ASMTL: variants seen among roughly 807,000 people sequenced by gnomAD.
ASMTL encodes probable bifunctional dTTP/UTP pyrophosphatase/methyltransferase protein.
Under a neutral mutation model 60.3 loss-of-function variants are expected in ASMTL, and 57 were observed. The ratio of observed to expected loss-of-function variants is 0.95; its 90% confidence interval spans 0.76 to 1.18. The LOEUF is 1.18. Among genes scored for constraint, ASMTL ranks in the 50% most tolerant of loss-of-function variants. ASMTL has a pLI of 0.00. For missense variants in ASMTL, 981 were observed against 852.6 expected (o/e 1.15, Z -1.88); for synonymous variants, 419 against 373.0 (o/e 1.12, Z -1.42).
intron 5 of ASMTL, 96 bp downstream of exon 5, chrX:1,434,926 A>G: frequency 2.2e-6 from 3 of 1,369,746 alleles, no homozygotes; most frequent in Non-Finnish European, 3.1e-6. Flanking sequence ...GGTGGGGGTG[A>G]GCAACCGTCC....
intron 8 of ASMTL, among the ~76,000 whole-genome samples, chrX:1,425,165 A>G (rs1304525569): frequency 6.6e-6 from 1 of 152,054 alleles, no homozygotes; most frequent in Non-Finnish European, 1.5e-5. Flanking sequence ...TCATCTATCT[A>G]TGTATCTGTC....
intron 5 of ASMTL, among the ~76,000 whole-genome samples, chrX:1,433,611 C>T (rs1258717787): frequency 4.0e-5 from 6 of 150,706 alleles, no homozygotes; most frequent in Admixed American, 6.6e-5. Context: ...ACCCGGGAGG[C>T]GGAGCTTGCA....
chrX:1,410,752 GCAT>G (rs2089981278), intron 12 of ASMTL, among the ~76,000 whole-genome samples: 1 of 3,584 alleles, frequency 2.8e-4, no homozygotes, highest in African/African-American at 6.2e-4. Flanking sequence ...GCATGGTGAT[GCAT>G]GATGCATGCC....
At chrX:1,433,721 G>A (rs2090880643) in intron 5 of ASMTL, among the ~76,000 whole-genome samples, 1 of 151,916 alleles carries the variant, frequency 6.6e-6, no homozygotes, top group African/African-American at 2.4e-5. Context: ...CAGGGTTCAG[G>A]GAGCTTCTGG....
rs750880241 is a variant in ASMTL, at chrX:1,421,703, G to A, written c.1200C>T (p.Asn400=). 6.2e-7 allele frequency: 1 copy of A among 1,613,950 alleles called. No homozygotes were observed. The highest frequency in any genetic ancestry group is 8.5e-7 in the Non-Finnish European group (1 of 1,179,850). ...YLEFAIREGT[N]QHHRALGKKA... ...TCTTCCCCAACGCCCTGTGGTGCTG[G>A]TTTGTTCCCTCTCGGATGGCAAACT... Residue 400 remains asparagine (N), a synonymous_variant, in exon 9 of 13, where the codon AAC becomes AAT. Coordinates refer to ENST00000381317, the MANE Select transcript of ASMTL (RefSeq NM_004192.4).
chrX:1,432,954 C>T (rs1252199837), intron 5 of ASMTL, among the ~76,000 whole-genome samples: 15 of 152,244 alleles, frequency 9.9e-5, no homozygotes, highest in Admixed American at 1.3e-4. Context: ...AAAAATTAGC[C>T]GGGCGTGGTG....
rs112009294 is a variant in ASMTL, at chrX:1,427,598, G to A, written c.897+136C>T. On this transcript the variant is annotated intron_variant, in intron 7 of 12. Transcript: ENST00000381317. Reference sequence around the variant, plus strand: ...GGAAGGACCCTCTCCTAGAACCTTCGGAGAAAGCATGGCCCTGAGACAACC... The same window carrying A: ...GGAAGGACCCTCTCCTAGAACCTTCAGAGAAAGCATGGCCCTGAGACAACC... The A allele has an allele frequency of 1.9e-3, 1,737 of 934,422 alleles. 25 individuals are homozygous for A. In the African/African-American group the frequency reaches 0.023, roughly 12 times the overall value. The allele number at this position is 934,422 out of a possible 1,614,324, so 57.9% of individuals were successfully genotyped here. A position where few individuals can be genotyped will look rare whatever the true frequency, so the allele number is the denominator to read the frequency against.
At chrX:1,416,417 A>G (rs1417694126) in intron 11 of ASMTL, among the ~76,000 whole-genome samples, 2 of 24,648 alleles carry the variant, frequency 8.1e-5, no homozygotes, top group African/African-American at 1.7e-4. Context: ...AGATACACCA[A>G]CAGACAGGCA....
intron 6 of ASMTL, among the ~76,000 whole-genome samples, chrX:1,429,633 A>G (rs1349507433): frequency 6.6e-6 from 1 of 151,972 alleles, no homozygotes; most frequent in Non-Finnish European, 1.5e-5. Flanking sequence ...CCCCTTCTCT[A>G]CTAAAAATAA....
chrX:1,446,965 A>G (rs2091242483), intron 1 of ASMTL, among the ~76,000 whole-genome samples: 1 of 152,228 alleles, frequency 6.6e-6, no homozygotes, highest in Non-Finnish European at 1.5e-5. Flanking sequence ...ACATGTCTCC[A>G]AGATAATGTT....
At position 1,429,833 on chromosome X, in the gene ASMTL, A is replaced by T. The variant is rs1371814162; in HGVS notation, c.510-1712T>A. On this transcript the variant is annotated intron_variant, in intron 6 of 12. Coordinates refer to ENST00000381317, the MANE Select transcript of ASMTL (RefSeq NM_004192.4). ...CATGTGTTAAATGGGATGTTTTGATATATGTATACATGTGACATCATTAAA... is the reference window on the plus strand; with the variant it reads ...CATGTGTTAAATGGGATGTTTTGATTTATGTATACATGTGACATCATTAAA... Among the ~76,000 whole-genome samples, 3 of 151,766 alleles carry T rather than the reference A, an allele frequency of 2.0e-5. No homozygotes were observed. The East Asian group carries it at 5.8e-4, about 29-fold the overall frequency.
chrX:1,438,418 T>C (rs1461877804), intron 3 of ASMTL, among the ~76,000 whole-genome samples: 3 of 152,230 alleles, frequency 2.0e-5, no homozygotes, highest in African/African-American at 4.8e-5. Context: ...CTCTAGGAGC[T>C]GGAGAAAGAC....
chrX:1,408,059 G>A (rs2089932714), intron 12 of ASMTL, among the ~76,000 whole-genome samples: 1 of 151,740 alleles, frequency 6.6e-6, no homozygotes, highest in Non-Finnish European at 1.5e-5. Context: ...ACCCTAACAG[G>A]GCATGATAAC....
intron 1 of ASMTL, among the ~76,000 whole-genome samples, chrX:1,447,825 G>A (rs2091261945): frequency 6.8e-6 from 1 of 146,276 alleles, no homozygotes; most frequent in Non-Finnish European, 1.5e-5. Context: ...AGCTATCTTG[G>A]ATAAGCACTA....
chrX:1,403,232 G>T lies in ASMTL; in HGVS notation c.*37C>A. Reference sequence around the variant, plus strand: ...ACCGGGCGGTCCACCTGCAGCCTGGGGGAGGACATCCCTATAATGAACATG... The same window carrying T: ...ACCGGGCGGTCCACCTGCAGCCTGGTGGAGGACATCCCTATAATGAACATG... On this transcript the variant is annotated 3_prime_UTR_variant, in exon 13 of 13. Transcript: ENST00000381317. The T allele has an allele frequency of 1.3e-6, 2 of 1,579,734 alleles. No individual in the cohort carries two copies. Among genetic ancestry groups the T allele is most frequent in the South Asian group, 1.1e-5 (1 of 90,150 alleles).
intron 5 of ASMTL, 58 bp from the exon 6 acceptor site, chrX:1,432,435 T>C (rs1167351471): frequency 1.5e-6 from 2 of 1,353,048 alleles, no homozygotes; most frequent in African/African-American, 2.9e-5. Flanking sequence ...CTCCGTGCCC[T>C]GACAGCTGCG....
chrX:1,414,665 G>A (rs111526990), intron 11 of ASMTL, among the ~76,000 whole-genome samples: 4,667 of 152,152 alleles, frequency 0.031, 273 homozygotes, highest in African/African-American at 0.1. Flanking sequence ...CTAAGATCAC[G>A]CCACTGCACT....
In ASMTL at chrX:1,418,056, A is replaced by G. The variant is rs768934149; in HGVS notation, c.1439T>C (p.Val480Ala). 1.4e-5 allele frequency: 22 copies of G among 1,613,458 alleles called. No homozygotes were observed. The East Asian group carries it at 4.7e-4, about 34-fold the overall frequency. Reference sequence around the variant, plus strand: ...CTCGATAATGTCTGGGAGGTCAAACACAGTCACCTGCATACGAGGGTACTC... The same window carrying G: ...CTCGATAATGTCTGGGAGGTCAAACGCAGTCACCTGCATACGAGGGTACTC... ...AREYPRMQVT[V>A]FDLPDIIELA... Residue 480 changes from valine to alanine, a missense_variant, in exon 11 of 13, where the codon GTG (valine) becomes GCG (alanine). Coordinates refer to ENST00000381317, the MANE Select transcript of ASMTL (RefSeq NM_004192.4).
At chrX:1,425,802 G>A in intron 7 of ASMTL, 115 bp from the exon 8 acceptor site, 1 of 1,052,702 alleles carries the variant, frequency 9.5e-7, no homozygotes, top group Non-Finnish European at 1.4e-6. Context: ...TGGCCATTGA[G>A]CCTTCTTTCA....
Sources: allele counts gnomAD v4.1 joint callset (sites outside exome capture counted in the v4.1 genomes callset), GRCh38; gene constraint gnomAD v4.1.1; transcripts MANE v1.5; gene names NCBI Gene and HGNC (gene_info 2026-07-23, HGNC 2026-07-21).